L3MBTL4: variants seen among roughly 807,000 people sequenced by gnomAD.
L3MBTL4 encodes the protein lethal(3)malignant brain tumor-like protein 4.
L3MBTL4 carries 70 observed loss-of-function variants against 84.5 expected under a neutral mutation model. The observed-to-expected ratio is 0.83, with a 90% confidence interval of 0.68 to 1.01. The LOEUF is 1.01. Ranked by LOEUF, L3MBTL4 falls within the 50% of genes least tolerant of loss-of-function variation. The pLI is 0.00. For synonymous variants in L3MBTL4, 274 were observed against 259.8 expected (o/e 1.05, Z -0.52); for missense variants, 715 against 754.8 (o/e 0.95, Z 0.62).
intron 1 of L3MBTL4, chr18:6,394,758 T>G (rs1291439240): frequency 6.6e-6 from 1 of 151,982 alleles, no homozygotes; most frequent in East Asian, 1.9e-4. Context: ...AAAGCAAAAA[T>G]CAACCCCTAA....
chr18:6,271,491 C>T (rs1256219291), intron 4 of L3MBTL4, among the ~76,000 whole-genome samples: 1 of 152,134 alleles, frequency 6.6e-6, no homozygotes, highest in Non-Finnish European at 1.5e-5. Context: ...AGCTGCCGGG[C>T]ACCAGGCAGG....
intron 13 of L3MBTL4, among the ~76,000 whole-genome samples, chr18:6,153,822 G>A (rs1349599464): frequency 6.6e-6 from 1 of 152,122 alleles, no homozygotes; most frequent in East Asian, 1.9e-4. Flanking sequence ...TTGTGAAGAA[G>A]ATGCCTGCTT....
chr18:6,266,934 AAATAAT>A (rs545663526), intron 4 of L3MBTL4, among the ~76,000 whole-genome samples: 2 of 151,434 alleles, frequency 1.3e-5, no homozygotes, highest in African/African-American at 2.4e-5. Flanking sequence ...GAAAAAAATA[AAATAAT>A]AATAATAATA....
At chr18:6,290,672 C>A (rs931136449) in intron 4 of L3MBTL4, among the ~76,000 whole-genome samples, 2 of 152,072 alleles carry the variant, frequency 1.3e-5, no homozygotes, top group African/African-American at 4.8e-5. Flanking sequence ...GGACTACAGG[C>A]ATACACCACC....
At chr18:5,998,399 A>G (rs1257327960) in intron 16 of L3MBTL4, among the ~76,000 whole-genome samples, 1 of 152,174 alleles carries the variant, frequency 6.6e-6, no homozygotes, top group East Asian at 1.9e-4. Context: ...TGGTGGAAGA[A>G]GCCTGGTCTG....
intron 14 of L3MBTL4, among the ~76,000 whole-genome samples, chr18:6,135,086 C>T (rs780549103): frequency 1.8e-4 from 28 of 152,216 alleles, no homozygotes; most frequent in Non-Finnish European, 3.1e-4. Flanking sequence ...ACAGGCTCAA[C>T]ACCATGTGGA....
intron 12 of L3MBTL4, among the ~76,000 whole-genome samples, chr18:6,202,666 G>C (rs2045697414): frequency 6.6e-6 from 1 of 151,266 alleles, no homozygotes; most frequent in South Asian, 2.1e-4. Context: ...GGTTGACCAT[G>C]TGTGGTAACT....
rs1280344851 is a variant in L3MBTL4, at chr18:6,414,403, C to G, written c.-91+398G>C. 6.6e-6 allele frequency among the ~76,000 whole-genome samples: 1 copy of G among 152,126 alleles called. No homozygotes were observed. The highest frequency in any genetic ancestry group is 1.9e-4 in the East Asian group (1 of 5,164). Reference sequence around the variant, plus strand: ...CGATGGCCGGAGGACTGCCTGGGGGCCCTCAGGAGTCCCGTCCCGTCCCGC... The same window carrying G: ...CGATGGCCGGAGGACTGCCTGGGGGGCCTCAGGAGTCCCGTCCCGTCCCGC... On this transcript the variant is annotated intron_variant, in intron 1 of 18. Coordinates refer to ENST00000317931, the MANE Select transcript of L3MBTL4 (RefSeq NM_001330559.2). This position sits in a 1 kb window ranked among gnomAD's most constrained non-coding sequence, Gnocchi z 5.4.
chr18:6,375,581 C>T (rs1407878723), intron 1 of L3MBTL4, among the ~76,000 whole-genome samples: 1 of 152,158 alleles, frequency 6.6e-6, no homozygotes. Flanking sequence ...CACTTTTCAT[C>T]CTAGTTCCTT....
chr18:6,405,154 G>A (rs901986269), intron 1 of L3MBTL4, among the ~76,000 whole-genome samples: 40 of 152,182 alleles, frequency 2.6e-4, no homozygotes, highest in Admixed American at 1.2e-3. Context: ...ACATGCAAAG[G>A]CAAGGACAGA....
intron 1 of L3MBTL4, among the ~76,000 whole-genome samples, chr18:6,344,715 A>G (rs2052788275): frequency 6.6e-6 from 1 of 152,184 alleles, no homozygotes; most frequent in African/African-American, 2.4e-5. Context: ...CTGGTATGCA[A>G]GGATGGTTCA....
intron 16 of L3MBTL4, among the ~76,000 whole-genome samples, chr18:5,977,493 C>T (rs1428977367): frequency 6.6e-6 from 1 of 152,200 alleles, no homozygotes; most frequent in African/African-American, 2.4e-5. Context: ...CTTGCTGCCC[C>T]AATGCAGGCT....
intron 16 of L3MBTL4, among the ~76,000 whole-genome samples, chr18:5,970,038 T>C (rs1017082208): frequency 1.3e-5 from 2 of 152,210 alleles, no homozygotes; most frequent in African/African-American, 4.8e-5. Flanking sequence ...TCAGTCCACA[T>C]CTGGCTTCAT....
intron 14 of L3MBTL4, among the ~76,000 whole-genome samples, chr18:6,136,860 C>G (rs2060043011): frequency 1.3e-5 from 2 of 152,180 alleles, no homozygotes; most frequent in South Asian, 2.1e-4. Context: ...AGAACTTGGA[C>G]ACCCTCCACC....
intron 16 of L3MBTL4, among the ~76,000 whole-genome samples, chr18:5,972,931 AT>A (rs1267902773): frequency 4.0e-4 from 25 of 62,580 alleles, no homozygotes; most frequent in African/African-American, 1.1e-3. Context: ...ATAGAATAGA[AT>A]AGAATAGAAT....
chr18:6,005,444 T>G (rs1279239898), intron 16 of L3MBTL4, among the ~76,000 whole-genome samples: 1 of 152,180 alleles, frequency 6.6e-6, no homozygotes, highest in East Asian at 1.9e-4. Flanking sequence ...ACCCAGATAA[T>G]AAACATAGTA....
intron 5 of L3MBTL4, among the ~76,000 whole-genome samples, chr18:6,250,347 G>A (rs1243459728): frequency 6.6e-6 from 1 of 152,116 alleles, no homozygotes; most frequent in Non-Finnish European, 1.5e-5. Flanking sequence ...ACAAGCTACT[G>A]GTGAAATTCC....
intron 17 of L3MBTL4, among the ~76,000 whole-genome samples, chr18:5,964,978 T>G (rs1320384692): frequency 6.6e-6 from 1 of 152,232 alleles, no homozygotes; most frequent in African/African-American, 2.4e-5. Context: ...TATGAAACTA[T>G]ATTAGTCCCT....
Position 6,238,037 on chromosome 18 carries a change from G to A in L3MBTL4, c.711C>T (p.Cys237=), listed in dbSNP as rs149660459. The A allele has an allele frequency of 1.5e-4, 239 of 1,613,716 alleles. 1 individual carries two copies. In the Middle Eastern group the frequency reaches 1.5e-3, roughly 10 times the overall value. The change falls in exon 10 of 19, where the codon TGC becomes TGT. Residue 237 remains cysteine, a synonymous_variant. Coordinates refer to ENST00000317931, the MANE Select transcript of L3MBTL4 (RefSeq NM_001330559.2). ...DNWDDSYDYW[C]DVNSPYVQPV... ...GCTGGACATAAGGGCTATTAACATCGCACCTGCAAAAACAGAGCTCTATAT... is the reference window on the plus strand; with the variant it reads ...GCTGGACATAAGGGCTATTAACATCACACCTGCAAAAACAGAGCTCTATAT...
Sources: gnomAD v4.1 joint callset for allele counts (sites outside exome capture counted in the v4.1 genomes callset) on GRCh38, gnomAD v4.1.1 for gene constraint, Gnocchi (gnomAD v3.1) non-coding constraint, MANE v1.5 for transcripts, NCBI Gene and HGNC (gene_info 2026-07-23, HGNC 2026-07-21) for gene names.